Variants in RBFOX1 observed in about 807,000 individuals in gnomAD.
RBFOX1 encodes RNA binding protein fox-1 homolog 1.
A neutral mutation model predicts 57.7 loss-of-function variants in RBFOX1; 8 were observed. The observed-to-expected ratio is 0.14, with a 90% CI of 0.08 to 0.25. The LOEUF is 0.25. Ranked by LOEUF, RBFOX1 falls within the 10% of genes least tolerant of loss-of-function variation. The pLI is 1.00. For synonymous variants in RBFOX1, 326 were observed against 222.4 expected, an observed-to-expected ratio of 1.47 and a Z score of -4.15; for missense variants, 611 against 548.5, an observed-to-expected ratio of 1.11 and a Z score of -1.14.
At chr16:6,220,078 C>G (rs2052229) in intron 1 of RBFOX1, among the ~76,000 whole-genome samples, 3,082 of 151,782 alleles carry the variant, frequency 0.02, 105 homozygotes, top group African/African-American at 0.07. Context: ...ATGTATTTAT[C>G]TATATTTTTC....
At chr16:6,045,787 A>G (rs145941933) in intron 1 of RBFOX1, among the ~76,000 whole-genome samples, 7 of 152,328 alleles carry the variant, frequency 4.6e-5, no homozygotes, top group South Asian at 2.1e-4. Context: ...TTAATTTGCT[A>G]TGTCAATGGA....
chr16:5,595,357 G>A (rs1470280758), intron 2 of RBFOX1, among the ~76,000 whole-genome samples: 1 of 152,164 alleles, frequency 6.6e-6, no homozygotes, highest in Non-Finnish European at 1.5e-5. Context: ...CTTGCTGCTG[G>A]GGATTCATGT....
intron 3 of RBFOX1, among the ~76,000 whole-genome samples, chr16:6,753,427 C>A (rs1407381157): frequency 2.6e-5 from 4 of 152,130 alleles, no homozygotes; most frequent in Non-Finnish European, 2.9e-5. Flanking sequence ...AATATCTATT[C>A]TTTTATTTAG....
At chr16:7,040,125 A>C (rs144519710) in intron 3 of RBFOX1, among the ~76,000 whole-genome samples, 1 of 151,942 alleles carries the variant, frequency 6.6e-6, no homozygotes, top group African/African-American at 2.4e-5. Flanking sequence ...GGTTCAAGCA[A>C]TTCTCCTGCC....
chr16:7,264,463 C>G (rs535809078), intron 4 of RBFOX1, among the ~76,000 whole-genome samples: 2 of 152,212 alleles, frequency 1.3e-5, no homozygotes, highest in Non-Finnish European at 1.5e-5. Context: ...AAAGCTAAGT[C>G]TCTGAGCTAG....
chr16:7,451,192 AT>A (rs1567231850), intron 4 of RBFOX1, among the ~76,000 whole-genome samples: 1 of 152,088 alleles, frequency 6.6e-6, no homozygotes, highest in Non-Finnish European at 1.5e-5. Flanking sequence ...GGGACATCGG[AT>A]TTCTATGGAG....
At chr16:6,924,196 C>CATAATAATAATAATAATAATAAT (rs1567902723) in intron 3 of RBFOX1, among the ~76,000 whole-genome samples, 1 of 126,368 alleles carries the variant, frequency 7.9e-6, no homozygotes, top group African/African-American at 2.8e-5. Flanking sequence ...ATAATAATAG[C>CATAATAATAATAATAATAATAAT]AATAATGCCA....
At chr16:7,432,307 C>G (rs1021038256) in intron 4 of RBFOX1, among the ~76,000 whole-genome samples, 5 of 152,194 alleles carry the variant, frequency 3.3e-5, no homozygotes, top group African/African-American at 1.2e-4. Context: ...GTAAAATTCT[C>G]TGCACAAATA....
chr16:7,383,259 A>T (rs1267622319), intron 4 of RBFOX1, among the ~76,000 whole-genome samples: 1 of 150,186 alleles, frequency 6.7e-6, no homozygotes, highest in African/African-American at 2.5e-5. Flanking sequence ...CTACGTACCC[A>T]TAAAAATTAA....
intron 3 of RBFOX1, among the ~76,000 whole-genome samples, chr16:6,658,809 T>C (rs1039279514): frequency 3.9e-5 from 6 of 152,140 alleles, no homozygotes; most frequent in African/African-American, 1.4e-4. Flanking sequence ...GCTTGGATGG[T>C]TCCTGGCCAT....
At chr16:6,040,341 C>A (rs2095422649) in intron 1 of RBFOX1, among the ~76,000 whole-genome samples, 1 of 152,142 alleles carries the variant, frequency 6.6e-6, no homozygotes, top group African/African-American at 2.4e-5. Flanking sequence ...AACTCTGTAC[C>A]CATTAAAAAG....
At chr16:6,655,568 A>C (rs1690553000) in intron 3 of RBFOX1, among the ~76,000 whole-genome samples, 2 of 151,998 alleles carry the variant, frequency 1.3e-5, no homozygotes, top group South Asian at 2.1e-4. Flanking sequence ...CCTCAGGAAA[A>C]GCAACCGTTA....
At chr16:6,504,215 G>C (rs2153188705) in intron 2 of RBFOX1, among the ~76,000 whole-genome samples, 1 of 152,308 alleles carries the variant, frequency 6.6e-6, no homozygotes, top group South Asian at 2.1e-4. Flanking sequence ...GATAGAGCTA[G>C]CACCAACGGT....
chr16:7,428,840 G>T (rs982917996), intron 4 of RBFOX1, among the ~76,000 whole-genome samples: 1 of 152,080 alleles, frequency 6.6e-6, no homozygotes, highest in Non-Finnish European at 1.5e-5. Context: ...TTTATAATGG[G>T]AATAATGATA....
At chr16:5,451,585 A>G (rs1446149585) in intron 1 of RBFOX1, among the ~76,000 whole-genome samples, 1 of 152,320 alleles carries the variant, frequency 6.6e-6, no homozygotes, top group East Asian at 1.9e-4. Flanking sequence ...CTTTAGAAAG[A>G]GCAGATAGAA....
chr16:6,710,578 G>A lies in RBFOX1; in HGVS notation c.-16+55928G>A, dbSNP rs147296024. ...GTGCAGGTCTGGCTGATCCGTTACCGGAATAGTACCATTTGCAACTGAAAG... is the reference window on the plus strand; with the variant it reads ...GTGCAGGTCTGGCTGATCCGTTACCAGAATAGTACCATTTGCAACTGAAAG... On this transcript the variant is annotated intron_variant, in intron 3 of 15. Coordinates refer to ENST00000550418, the MANE Select transcript of RBFOX1 (RefSeq NM_018723.4). 1.5e-4 allele frequency among the ~76,000 whole-genome samples: 23 copies of A among 152,316 alleles called. No homozygotes were observed. The East Asian group carries it at 3.7e-3, about 24-fold the overall frequency.
intron 3 of RBFOX1, among the ~76,000 whole-genome samples, chr16:5,835,773 C>G (rs2056437051): frequency 6.6e-6 from 1 of 152,220 alleles, no homozygotes. Flanking sequence ...GTCGTTATAT[C>G]TGATTACTTA....
chr16:7,208,941 A>G (rs942515992), intron 4 of RBFOX1, among the ~76,000 whole-genome samples: 3 of 152,004 alleles, frequency 2.0e-5, no homozygotes, highest in East Asian at 1.9e-4. Flanking sequence ...GCATTAATCT[A>G]TTCATGAGGG....
intron 2 of RBFOX1, among the ~76,000 whole-genome samples, chr16:6,623,443 C>CT (rs57896155): frequency 0.46 from 69,266 of 149,012 alleles, 16,130 homozygotes; most frequent in South Asian, 0.63. Flanking sequence ...GGTGAAAATT[C>CT]TTTTTTTTTT....
Sources: gnomAD v4.1 joint callset for allele counts (sites outside exome capture counted in the v4.1 genomes callset) on GRCh38, gnomAD v4.1.1 for gene constraint, MANE v1.5 for transcripts, NCBI Gene and HGNC (gene_info 2026-07-23, HGNC 2026-07-21) for gene names.